The following LTBP1 variants were observed in gnomAD, a reference collection of about 807,000 sequenced individuals.
LTBP1 encodes latent-transforming growth factor beta-binding protein 1.
Under a neutral mutation model 207.6 loss-of-function variants are expected in LTBP1, and 129 were observed. The observed-to-expected ratio is 0.62, with a 90% CI of 0.54 to 0.72. The LOEUF is 0.72. Ranked by LOEUF, LTBP1 falls within the 30% of genes least tolerant of loss-of-function variation. The pLI, the probability that LTBP1 is intolerant of heterozygous loss-of-function variation, is 0.00. For missense variants in LTBP1, 2,281 were observed against 2,217.2 expected, an observed-to-expected ratio of 1.03 and a Z score of -0.58; for synonymous variants, 963 against 833.7, an observed-to-expected ratio of 1.16 and a Z score of -2.67.
At chr2:33,014,209 A>G (rs1220210502) in intron 2 of LTBP1, among the ~76,000 whole-genome samples, 1 of 152,172 alleles carries the variant, frequency 6.6e-6, no homozygotes, top group African/African-American at 2.4e-5. Flanking sequence ...ATTATGTGGA[A>G]TTCTTCATTA....
At chr2:33,225,419 A>T (rs563083095) in intron 9 of LTBP1, among the ~76,000 whole-genome samples, 1 of 152,346 alleles carries the variant, frequency 6.6e-6, no homozygotes, top group South Asian at 2.1e-4. Flanking sequence ...CTGGACTTAC[A>T]GTTCCACATG....
intron 9 of LTBP1, among the ~76,000 whole-genome samples, chr2:33,241,092 A>T (rs1385919064): frequency 7.2e-5 from 11 of 152,220 alleles, no homozygotes; most frequent in Non-Finnish European, 4.4e-5. Flanking sequence ...TCTAATTTGT[A>T]GTAGCTCAGG....
Position 33,398,273 on chromosome 2 carries a change from T to C in LTBP1, c.4985-91T>C, listed in dbSNP as rs1284445913. The C allele has an allele frequency of 3.3e-6, 4 of 1,212,168 alleles. No homozygotes were observed. In the African/African-American group the frequency reaches 6.1e-5, roughly 18 times the overall value. 75.1% of individuals were successfully genotyped at this position (1,212,168 alleles called of 1,614,324 possible). On this transcript the variant is annotated intron_variant, in intron 33 of 33. Coordinates refer to ENST00000404816, the MANE Select transcript of LTBP1 (RefSeq NM_206943.4). ...TGACGAGAAAGCTTCCTTGGGGTGG[T>C]CGGGGGAAGGGCCTCAGGTAAGCCT...
chr2:33,031,644 G>A (rs763785495), intron 3 of LTBP1, among the ~76,000 whole-genome samples: 11 of 152,222 alleles, frequency 7.2e-5, no homozygotes, highest in Non-Finnish European at 1.5e-4. Context: ...GAAGGACTTG[G>A]AAAAGTGAAG....
intron 3 of LTBP1, among the ~76,000 whole-genome samples, chr2:33,054,508 GAT>G (rs1177683961): frequency 6.6e-6 from 1 of 152,158 alleles, no homozygotes; most frequent in African/African-American, 2.4e-5. Flanking sequence ...TATTCATGTA[GAT>G]AATAGCTCCA....
chr2:33,322,468 A>G (rs922761876), intron 24 of LTBP1, among the ~76,000 whole-genome samples: 5 of 152,238 alleles, frequency 3.3e-5, no homozygotes, highest in African/African-American at 1.2e-4. Context: ...CTTTTTAGAC[A>G]TGTGATAGAA....
chr2:33,381,593 A>C (rs2095215169), intron 31 of LTBP1, among the ~76,000 whole-genome samples: 1 of 152,212 alleles, frequency 6.6e-6, no homozygotes, highest in Non-Finnish European at 1.5e-5. Context: ...TCACCTAATA[A>C]ATCGAGCAAA....
chr2:33,252,572 A>G lies in LTBP1; in HGVS notation c.2000-105A>G. 3.0e-6 allele frequency: 3 copies of G among 1,005,436 alleles called. 1 individual carries two copies. The highest frequency in any genetic ancestry group is 4.0e-5 in the South Asian group (2 of 49,708). The allele number at this position is 1,005,436 out of a possible 1,614,324, so 62.3% of individuals were successfully genotyped here. On this transcript the variant is annotated intron_variant, in intron 10 of 33. Coordinates refer to ENST00000404816, the MANE Select transcript of LTBP1 (RefSeq NM_206943.4). ...CTAAATCTAGACAGATTTATCCTGA[A>G]GTGTGGTTTTTAATTCATACCTTAG...
rs1441539332 is a variant in LTBP1, at chr2:33,182,695, TATATACACAC to T, written c.1202-4159_1202-4150del. Among the ~76,000 whole-genome samples, 5 of 84,620 alleles carry T rather than the reference TATATACACAC, an allele frequency of 5.9e-5. 1 individual carries two copies. The highest frequency in any genetic ancestry group is 1.0e-4 in the Non-Finnish European group (4 of 39,560). 55.5% of individuals were successfully genotyped at this position (84,620 alleles called of 152,430 possible). A position where few individuals can be genotyped will look rare whatever the true frequency, so the allele number is the denominator to read the frequency against. The stretch of plus-strand genomic sequence containing the variant: ...AAAGAAGAAAAGATGGTGATATATA[TATATACACAC>T]ACACACACACACACACACACACACA... On this transcript the variant is annotated intron_variant, in intron 5 of 33. Transcript: ENST00000404816.
At chr2:33,007,788 T>C (rs1257822022) in intron 2 of LTBP1, among the ~76,000 whole-genome samples, 3 of 152,210 alleles carry the variant, frequency 2.0e-5, no homozygotes, top group African/African-American at 2.4e-5. Flanking sequence ...ATCTGTCTGG[T>C]GCTACTCTGA....
At position 33,175,869 on chromosome 2, in the gene LTBP1, A is replaced by G. The variant is rs192433490; in HGVS notation, c.1202-10987A>G. Among the ~76,000 whole-genome samples, 243 of 144,132 alleles carry G rather than the reference A, an allele frequency of 1.7e-3. 3 individuals are homozygous for G. Among genetic ancestry groups the G allele is most frequent in the African/African-American group, 6.0e-3 (233 of 39,062 alleles). The allele number at this position is 144,132 out of a possible 152,430, so 94.6% of individuals were successfully genotyped here. Reference sequence around the variant, plus strand: ...TGTCCTTTGTAGGGACATGGATGAAATTGGAAATCATCATTCTCAGTAAAC... The same window carrying G: ...TGTCCTTTGTAGGGACATGGATGAAGTTGGAAATCATCATTCTCAGTAAAC... On this transcript the variant is annotated intron_variant, in intron 5 of 33. Transcript: ENST00000404816.
At chr2:33,250,261 T>G (rs2092645194) in intron 10 of LTBP1, among the ~76,000 whole-genome samples, 3 of 152,152 alleles carry the variant, frequency 2.0e-5, no homozygotes, top group Admixed American at 2.0e-4. Context: ...AAATGAACAG[T>G]TTTGGCTTCA....
intron 5 of LTBP1, among the ~76,000 whole-genome samples, chr2:33,174,719 AC>A (rs1312043912): frequency 1.3e-5 from 2 of 152,224 alleles, no homozygotes; most frequent in Non-Finnish European, 2.9e-5. Flanking sequence ...AGCCAAAAAA[AC>A]AAAGCTGGAG....
At position 32,947,831 on chromosome 2, in the gene LTBP1, C is replaced by T. The variant is rs1349174647; in HGVS notation, c.494+13C>T. 32 of 1,300,830 alleles carry T rather than the reference C, an allele frequency of 2.5e-5. No individual in the cohort carries two copies. The highest frequency in any genetic ancestry group is 2.8e-5 in the Non-Finnish European group (29 of 1,018,116). The allele number at this position is 1,300,830 out of a possible 1,614,324, so 80.6% of individuals were successfully genotyped here. On this transcript the variant is annotated intron_variant, in intron 1 of 33. Transcript: ENST00000404816. Reference sequence around the variant, plus strand: ...AGCAGCTGCAGGGGTAAGCCCACACCCCCTTCCGCCCGCCCGCCCGCCTCG... The same window carrying T: ...AGCAGCTGCAGGGGTAAGCCCACACTCCCTTCCGCCCGCCCGCCCGCCTCG...
At chr2:33,004,165 T>G (rs540124252) in intron 2 of LTBP1, among the ~76,000 whole-genome samples, 1 of 152,276 alleles carries the variant, frequency 6.6e-6, no homozygotes, top group East Asian at 1.9e-4. Context: ...GTAAAGTCTT[T>G]TAAAGATGGA....
intron 7 of LTBP1, among the ~76,000 whole-genome samples, chr2:33,210,741 C>A (rs899227799): frequency 2.6e-5 from 4 of 152,104 alleles, no homozygotes; most frequent in African/African-American, 9.7e-5. Context: ...CTGTCTTTAC[C>A]CTCCTCCGTT....
chr2:33,362,165 A>C (rs1046811701), intron 28 of LTBP1, among the ~76,000 whole-genome samples: 3 of 152,284 alleles, frequency 2.0e-5, no homozygotes, highest in African/African-American at 7.2e-5. Context: ...TTCATGATAG[A>C]GATATTACCT....
At chr2:33,300,347 G>C in intron 20 of LTBP1, 104 bp from the exon 21 acceptor site, 1 of 1,126,780 alleles carries the variant, frequency 8.9e-7, no homozygotes, top group Non-Finnish European at 1.3e-6. Context: ...GACATAAGAA[G>C]TACTATTATT....
At chr2:33,172,568 C>A (rs2085563242) in intron 5 of LTBP1, among the ~76,000 whole-genome samples, 1 of 152,126 alleles carries the variant, frequency 6.6e-6, no homozygotes, top group Non-Finnish European at 1.5e-5. Flanking sequence ...GACTTTAACA[C>A]CCCACTGTCA....
Sources: gnomAD v4.1 joint callset for allele counts (sites outside exome capture counted in the v4.1 genomes callset) on GRCh38, gnomAD v4.1.1 for gene constraint, MANE v1.5 for transcripts, NCBI Gene and HGNC (gene_info 2026-07-23, HGNC 2026-07-21) for gene names.